Variants in TBC1D5 observed in about 807,000 individuals in gnomAD.
TBC1D5 encodes the protein TBC1 domain family, member 5.
A neutral mutation model predicts 100.3 loss-of-function variants in TBC1D5; 75 were observed. That is an observed-to-expected ratio of 0.75 (90% CI 0.62 to 0.91). TBC1D5 has a LOEUF of 0.91. TBC1D5 is among the 40% of genes least tolerant of loss of function. TBC1D5 has a pLI of 0.00. For synonymous variants in TBC1D5, 323 were observed against 325.6 expected (o/e 0.99, Z 0.09); for missense variants, 910 against 942.4 (o/e 0.97, Z 0.45).
chr3:17,267,611 T>C (rs2078982045), intron 15 of TBC1D5, among the ~76,000 whole-genome samples: 1 of 152,194 alleles, frequency 6.6e-6, no homozygotes, highest in Non-Finnish European at 1.5e-5. Flanking sequence ...TTTAATCAAG[T>C]AACCATCGAA....
chr3:17,629,766 G>A (rs958421624), intron 1 of TBC1D5, among the ~76,000 whole-genome samples: 5 of 152,180 alleles, frequency 3.3e-5, no homozygotes, highest in African/African-American at 4.8e-5. Context: ...ATGGGGGCCT[G>A]GGTCCTGCAA....
intron 10 of TBC1D5, 99 bp downstream of exon 10, chr3:17,376,426 T>TGTAA: frequency 3.0e-6 from 3 of 993,906 alleles, no homozygotes; most frequent in Non-Finnish European, 4.5e-6. Flanking sequence ...TTGTACAGCT[T>TGTAA]GTAAGTACCT....
At chr3:17,616,745 G>C (rs1479896416) in intron 2 of TBC1D5, among the ~76,000 whole-genome samples, 1 of 151,912 alleles carries the variant, frequency 6.6e-6, no homozygotes, top group Non-Finnish European at 1.5e-5. Context: ...TGCTTGGTAG[G>C]TCTGCCTCCA....
intron 2 of TBC1D5, among the ~76,000 whole-genome samples, chr3:17,588,121 T>C (rs1363942169): frequency 6.6e-6 from 1 of 152,082 alleles, no homozygotes; most frequent in Non-Finnish European, 1.5e-5. Flanking sequence ...ATACATACTT[T>C]AGACCAATTT....
At chr3:17,537,899 G>A (rs541896973) in intron 2 of TBC1D5, among the ~76,000 whole-genome samples, 22 of 152,324 alleles carry the variant, frequency 1.4e-4, no homozygotes, top group African/African-American at 3.6e-4. Context: ...GGCTAAGGAC[G>A]TGCCTGTGAC....
intron 2 of TBC1D5, among the ~76,000 whole-genome samples, chr3:17,552,944 A>G (rs2096486203): frequency 6.6e-6 from 1 of 152,136 alleles, no homozygotes; most frequent in Admixed American, 6.5e-5. Context: ...AAAATTTTGC[A>G]TTTACCAGTG....
chr3:17,573,725 G>A lies in TBC1D5; in HGVS notation c.-36+50124C>T, dbSNP rs565569790. On this transcript the variant is annotated intron_variant, in intron 2 of 21. Coordinates refer to ENST00000253692, the Ensembl canonical transcript of TBC1D5. ...TTTTCAACATTCTTCATATACATTC[G>A]GCCTGCACACTCTCAGGGAAGTTTC... is the stretch of plus-strand genomic sequence containing the variant. Among the ~76,000 whole-genome samples, 77 of 151,624 alleles carry A rather than the reference G, an allele frequency of 5.1e-4. 1 individual carries two copies. Among genetic ancestry groups the A allele is most frequent in the South Asian group, 1.7e-3 (8 of 4,804 alleles).
At chr3:17,527,664 G>A (rs1050748975) in intron 2 of TBC1D5, among the ~76,000 whole-genome samples, 1 of 151,986 alleles carries the variant, frequency 6.6e-6, no homozygotes, top group Non-Finnish European at 1.5e-5. Context: ...TGGTATATGA[G>A]AAAGTACAAA....
At chr3:17,162,129 C>T (rs1426317371) in intron 21 of TBC1D5, among the ~76,000 whole-genome samples, 1 of 152,232 alleles carries the variant, frequency 6.6e-6, no homozygotes, top group Non-Finnish European at 1.5e-5. Flanking sequence ...AGAAAGAACA[C>T]CTCACCCAGT....
At chr3:17,709,882 G>A (rs2074547942) in intron 1 of TBC1D5, among the ~76,000 whole-genome samples, 2 of 152,018 alleles carry the variant, frequency 1.3e-5, no homozygotes, top group Non-Finnish European at 2.9e-5. Flanking sequence ...AGAATACCCA[G>A]GCAGGCTACT....
chr3:17,364,190 T>C (rs2091950642), intron 13 of TBC1D5, among the ~76,000 whole-genome samples: 1 of 152,200 alleles, frequency 6.6e-6, no homozygotes, highest in African/African-American at 2.4e-5. Context: ...TCATTCTTAT[T>C]ACTTGATGTT....
At chr3:17,235,722 A>G (rs1167720154) in intron 17 of TBC1D5, among the ~76,000 whole-genome samples, 2 of 152,184 alleles carry the variant, frequency 1.3e-5, no homozygotes, top group Non-Finnish European at 2.9e-5. Flanking sequence ...AGAGGGTCAG[A>G]GAGCTTCAGG....
intron 1 of TBC1D5, among the ~76,000 whole-genome samples, chr3:17,680,421 C>T (rs1299004597): frequency 6.6e-6 from 1 of 150,878 alleles, no homozygotes; most frequent in Non-Finnish European, 1.5e-5. Context: ...GAGATAGGAT[C>T]TCCCTATGTT....
chr3:17,738,966 A>T (rs2077180439), intron 1 of TBC1D5, among the ~76,000 whole-genome samples: 1 of 152,190 alleles, frequency 6.6e-6, no homozygotes, highest in Admixed American at 6.5e-5. Flanking sequence ...TTGAGAAAGC[A>T]TTTACACTGA....
At chr3:17,433,457 G>C (rs1575905200) in intron 3 of TBC1D5, among the ~76,000 whole-genome samples, 1 of 152,198 alleles carries the variant, frequency 6.6e-6, no homozygotes, top group African/African-American at 2.4e-5. Context: ...AGAAGTACAG[G>C]GCAAAACAGG....
At chr3:17,502,899 C>T (rs1202161428) in intron 3 of TBC1D5, among the ~76,000 whole-genome samples, 1 of 149,568 alleles carries the variant, frequency 6.7e-6, no homozygotes, top group Non-Finnish European at 1.5e-5. Context: ...TCAATTCTAC[C>T]TCCTAAATAA....
chr3:17,193,278 G>T (rs1407997766), intron 18 of TBC1D5, among the ~76,000 whole-genome samples: 2 of 152,130 alleles, frequency 1.3e-5, no homozygotes, highest in African/African-American at 4.8e-5. Context: ...AAGACCACAA[G>T]GTCAAGTATA....
intron 3 of TBC1D5, among the ~76,000 whole-genome samples, chr3:17,460,368 AT>A (rs2095179548): frequency 6.6e-6 from 1 of 152,216 alleles, no homozygotes; most frequent in African/African-American, 2.4e-5. Context: ...TTGGGGATGA[AT>A]GATGAGAACG....
In TBC1D5 at chr3:17,723,810, A is replaced by AG. The variant is rs575898454; in HGVS notation, c.-101+15532dup. On this transcript the variant is annotated intron_variant, in intron 1 of 21. Transcript: ENST00000253692. ...TTGCAGTAAACAGTAAGCTATTAGT[A>AG]GTTAAGTTTGAGGGAGTCAAAAGTT... Among the ~76,000 whole-genome samples, 28 of 152,286 alleles carry AG rather than the reference A, an allele frequency of 1.8e-4. No homozygotes were observed. In the South Asian group the frequency reaches 4.8e-3, roughly 26 times the overall value.
Sources: allele counts gnomAD v4.1 joint callset (sites outside exome capture counted in the v4.1 genomes callset), GRCh38; gene constraint gnomAD v4.1.1; transcripts MANE v1.5; gene names NCBI Gene and HGNC (gene_info 2026-07-23, HGNC 2026-07-21).